HSD17B4: variants seen among roughly 807,000 people sequenced by gnomAD.
HSD17B4 encodes peroxisomal multifunctional enzyme type 2.
A neutral mutation model predicts 101.0 loss-of-function variants in HSD17B4; 70 were observed. The observed-to-expected ratio is 0.69, with a 90% CI of 0.57 to 0.85. The LOEUF (loss-of-function observed/expected upper bound fraction) is 0.85, where lower values mean the gene tolerates loss of function less well. Among genes scored for constraint, HSD17B4 ranks in the 40% least tolerant of loss-of-function variants. The probability of loss-of-function intolerance (pLI) is 0.00; values close to 1 mark genes in which losing one functional copy is unlikely to be tolerated. For synonymous variants in HSD17B4, 347 were observed against 297.1 expected (o/e 1.17, Z -1.73); for missense variants, 984 against 892.4 (o/e 1.10, Z -1.31).
At chr5:119,476,765 C>T in intron 6 of HSD17B4, 1 of 892,834 alleles carries the variant, frequency 1.1e-6, no homozygotes, top group Non-Finnish European at 1.3e-6. Context: ...GCCACTACTC[C>T]TGACTACCCT....
At chr5:119,501,521 T>C (rs2126788455) in intron 13 of HSD17B4, among the ~76,000 whole-genome samples, 1 of 152,272 alleles carries the variant, frequency 6.6e-6, no homozygotes, top group Non-Finnish European at 1.5e-5. Context: ...ATCTACTCTT[T>C]GTAGATAATT....
intron 15 of HSD17B4, among the ~76,000 whole-genome samples, chr5:119,508,276 C>T (rs977899357): frequency 6.7e-6 from 1 of 149,488 alleles, no homozygotes; most frequent in Non-Finnish European, 1.5e-5. Flanking sequence ...TTTTACTGTT[C>T]TCTCTTGATC....
chr5:119,480,178 A>G (rs1019681351), intron 8 of HSD17B4, among the ~76,000 whole-genome samples: 5 of 151,874 alleles, frequency 3.3e-5, no homozygotes, highest in Admixed American at 3.3e-4. Flanking sequence ...CCCATTTTTA[A>G]ATTGGATTGT....
chr5:119,518,995 C>T (rs772059029), intron 17 of HSD17B4, among the ~76,000 whole-genome samples: 7 of 151,970 alleles, frequency 4.6e-5, no homozygotes, highest in South Asian at 2.1e-4. Flanking sequence ...AAAAATTAGC[C>T]GAGCATGGTG....
At chr5:119,460,566 C>A (rs914453788) in intron 2 of HSD17B4, among the ~76,000 whole-genome samples, 1 of 152,014 alleles carries the variant, frequency 6.6e-6, no homozygotes, top group Non-Finnish European at 1.5e-5. Flanking sequence ...TGTCATTTGC[C>A]AGTTTTAAAA....
chr5:119,517,920 AC>A (rs1752780194), intron 17 of HSD17B4, among the ~76,000 whole-genome samples: 1 of 152,052 alleles, frequency 6.6e-6, no homozygotes, highest in South Asian at 2.1e-4. Flanking sequence ...TTGTGTTGAT[AC>A]TCTGTATCTA....
intron 1 of HSD17B4, 35 bp downstream of exon 1, chr5:119,452,668 CT>C: frequency 6.2e-7 from 1 of 1,613,068 alleles, no homozygotes; most frequent in Non-Finnish European, 8.5e-7. Context: ...GCGCCCCTTG[CT>C]GAGGCGCAGC....
intron 17 of HSD17B4, among the ~76,000 whole-genome samples, chr5:119,524,924 G>T (rs184112388): frequency 6.6e-6 from 1 of 152,194 alleles, no homozygotes; most frequent in African/African-American, 2.4e-5. Context: ...TAGATTGACT[G>T]ACTTCTTTTT....
chr5:119,535,651 G>A (rs1229662736), intron 22 of HSD17B4: 1 of 144,202 alleles, frequency 6.9e-6, no homozygotes, highest in Admixed American at 7.2e-5. Flanking sequence ...CTTTGTGTTT[G>A]TTATTACTAA....
At chr5:119,506,480 T>A (rs1234529171) in intron 14 of HSD17B4, among the ~76,000 whole-genome samples, 1 of 152,216 alleles carries the variant, frequency 6.6e-6, no homozygotes, top group Non-Finnish European at 1.5e-5. Flanking sequence ...TAAATATACG[T>A]GTGCATGTGT....
At chr5:119,480,327 T>C (rs1239665850) in intron 8 of HSD17B4, among the ~76,000 whole-genome samples, 1 of 151,900 alleles carries the variant, frequency 6.6e-6, no homozygotes, top group Non-Finnish European at 1.5e-5. Flanking sequence ...TTCTTTTCTA[T>C]TTTCCTAAGC....
chr5:119,470,985 A>C (rs185030304), intron 2 of HSD17B4, among the ~76,000 whole-genome samples: 1 of 152,294 alleles, frequency 6.6e-6, no homozygotes, highest in Non-Finnish European at 1.5e-5. Context: ...TAAATTATTT[A>C]TCCAGCTTTC....
intron 8 of HSD17B4, among the ~76,000 whole-genome samples, chr5:119,484,788 C>G (rs936908754): frequency 6.6e-6 from 1 of 152,156 alleles, no homozygotes; most frequent in Non-Finnish European, 1.5e-5. Flanking sequence ...TGTGTCTAAC[C>G]AATTTTCTTT....
intron 21 of HSD17B4, 168 bp downstream of exon 21, chr5:119,530,148 C>G: frequency 1.6e-6 from 1 of 622,828 alleles, no homozygotes; most frequent in Non-Finnish European, 2.9e-6. Flanking sequence ...AAGGAATACT[C>G]TGGCAATTTA....
intron 17 of HSD17B4, among the ~76,000 whole-genome samples, chr5:119,522,167 T>A (rs1753176740): frequency 6.6e-6 from 1 of 152,006 alleles, no homozygotes; most frequent in Non-Finnish European, 1.5e-5. Flanking sequence ...TTCCCACGTA[T>A]GAGTGAGAAC....
chr5:119,472,607 G>A (rs1336768637), intron 2 of HSD17B4: 4 of 151,970 alleles, frequency 2.6e-5, no homozygotes, highest in Non-Finnish European at 5.9e-5. Context: ...CTAATTTTTG[G>A]ATTTTTAGTA....
chr5:119,471,909 A>G (rs1211727272), intron 2 of HSD17B4, among the ~76,000 whole-genome samples: 1 of 152,162 alleles, frequency 6.6e-6, no homozygotes, highest in Non-Finnish European at 1.5e-5. Flanking sequence ...TTAACTTTCA[A>G]TAGATTATAA....
chr5:119,533,487 A>C (rs1754288509), intron 22 of HSD17B4, among the ~76,000 whole-genome samples: 1 of 152,066 alleles, frequency 6.6e-6, no homozygotes, highest in South Asian at 2.1e-4. Flanking sequence ...TTAGCTACTG[A>C]TTATGTCTAA....
intron 14 of HSD17B4, 99 bp downstream of exon 14, chr5:119,502,191 A>C (rs957444392): frequency 6.3e-6 from 5 of 795,906 alleles, no homozygotes; most frequent in Middle Eastern, 3.5e-4. Flanking sequence ...GAGTGACCTA[A>C]TGAAACATAT....
Sources: allele counts gnomAD v4.1 joint callset (sites outside exome capture counted in the v4.1 genomes callset), GRCh38; gene constraint gnomAD v4.1.1; transcripts MANE v1.5; gene names NCBI Gene and HGNC (gene_info 2026-07-23, HGNC 2026-07-21).